The following RBM26 variants were observed in gnomAD, a reference collection of about 807,000 sequenced individuals.
RBM26 encodes the protein RNA-binding protein 26.
A neutral mutation model predicts 123.6 loss-of-function variants in RBM26; 30 were observed. The observed-to-expected ratio is 0.24, with a 90% CI of 0.18 to 0.33. The LOEUF (loss-of-function observed/expected upper bound fraction) is 0.33, where lower values mean the gene tolerates loss of function less well. Among genes scored for constraint, RBM26 ranks in the 10% least tolerant of loss-of-function variants. The pLI is 1.00. For missense variants in RBM26, 947 were observed against 1,203.6 expected, an observed-to-expected ratio of 0.79 and a Z score of 3.15; for synonymous variants, 400 against 404.4, an observed-to-expected ratio of 0.99 and a Z score of 0.13.
chr13:79,370,143 G>A (rs1489785637), intron 5 of RBM26, among the ~76,000 whole-genome samples: 1 of 151,856 alleles, frequency 6.6e-6, no homozygotes, highest in Non-Finnish European at 1.5e-5. Flanking sequence ...AACCCCCAAC[G>A]TGACTCTACC....
chr13:79,358,357 G>T lies in RBM26; in HGVS notation c.1606C>A (p.Leu536Ile), dbSNP rs1436748322. ...TTTAATTCTGGAGGAACTTTTCTAA[G>T]TTCAAGCTTGGTATTTTCATTTCCA... ...QFGNENTKLELRKVPPELNNI... is the reference protein window; with the variant it reads ...QFGNENTKLEIRKVPPELNNI... The change falls in exon 11 of 22, where the codon CTT becomes ATT. Residue 536 changes from leucine to isoleucine, a missense_variant. Transcript: ENST00000438737. 51 of 1,611,880 alleles carry T rather than the reference G, an allele frequency of 3.2e-5. No individual in the cohort carries two copies. Among genetic ancestry groups the T allele is most frequent in the Non-Finnish European group, 4.2e-5 (49 of 1,179,184 alleles).
chr13:79,322,317 G>A (rs747962568), intron 21 of RBM26, 32 bp downstream of exon 21: 1 of 1,340,012 alleles, frequency 7.5e-7, no homozygotes, highest in South Asian at 1.4e-5. Context: ...GAACGATTAA[G>A]GGTAAAAATA....
intron 17 of RBM26, among the ~76,000 whole-genome samples, chr13:79,341,711 T>C (rs992021573): frequency 3.3e-5 from 5 of 151,824 alleles, no homozygotes; most frequent in African/African-American, 1.2e-4. Context: ...GGGTCTTTTA[T>C]GTATTCCTTT....
At chr13:79,376,878 C>T (rs530229669) in intron 3 of RBM26, 97 of 152,662 alleles carry the variant, frequency 6.4e-4, no homozygotes, top group Non-Finnish European at 1.2e-3. Flanking sequence ...CCCATTACCC[C>T]CTGATAAGGA....
At chr13:79,336,896 G>A (rs2070508405) in intron 19 of RBM26, among the ~76,000 whole-genome samples, 1 of 152,130 alleles carries the variant, frequency 6.6e-6, no homozygotes, top group South Asian at 2.1e-4. Flanking sequence ...GGCCTACTAA[G>A]TGTAAGAATA....
chr13:79,380,395 T>C (rs995666017), intron 1 of RBM26, among the ~76,000 whole-genome samples: 9 of 152,052 alleles, frequency 5.9e-5, no homozygotes, highest in Admixed American at 2.6e-4. Context: ...GAGAGAAATC[T>C]GGTTTATATA....
chr13:79,400,200 T>C (rs529860480), intron 1 of RBM26, among the ~76,000 whole-genome samples: 21 of 152,320 alleles, frequency 1.4e-4, no homozygotes, highest in African/African-American at 4.8e-4. Flanking sequence ...AAGAAAACCA[T>C]TCATGGGAAA....
At chr13:79,385,079 C>T (rs2077372699) in intron 1 of RBM26, among the ~76,000 whole-genome samples, 1 of 152,092 alleles carries the variant, frequency 6.6e-6, no homozygotes, top group Non-Finnish European at 1.5e-5. Context: ...CACGGATATG[C>T]ACCCACGTCT....
At position 79,406,038 on chromosome 13, in the gene RBM26, T is replaced by G; in HGVS notation, c.-264A>C. ...CAACGGTTTGCCCGGGCCCTCCCCCTTCCCTCTTCCCCAGCAAATCTACCC... is the reference window on the plus strand; with the variant it reads ...CAACGGTTTGCCCGGGCCCTCCCCCGTCCCTCTTCCCCAGCAAATCTACCC... On this transcript the variant is annotated 5_prime_UTR_variant, in exon 1 of 22. Transcript: ENST00000438737. The G allele has an allele frequency of 7.1e-5, 16 of 225,340 alleles. No individual in the cohort carries two copies. Among genetic ancestry groups the G allele is most frequent in the Admixed American group, 7.3e-5 (1 of 13,670 alleles). The allele number at this position is 225,340 out of a possible 1,614,324, so 14.0% of individuals were successfully genotyped here. A position where few individuals can be genotyped will look rare whatever the true frequency, so the allele number is the denominator to read the frequency against.
intron 8 of RBM26, 159 bp from the exon 9 acceptor site, chr13:79,365,877 A>G (rs2075213325): frequency 1.7e-5 from 16 of 956,826 alleles, no homozygotes; most frequent in Non-Finnish European, 2.3e-5. Flanking sequence ...AAGTTATTAA[A>G]AAGAAAATGT....
At chr13:79,337,654 T>A (rs566957959) in intron 18 of RBM26, among the ~76,000 whole-genome samples, 27 of 152,312 alleles carry the variant, frequency 1.8e-4, no homozygotes, top group Non-Finnish European at 2.9e-4. Flanking sequence ...AAACAGATAA[T>A]ACCTACATTC....
At chr13:79,363,699 C>T (rs536946570) in intron 9 of RBM26, among the ~76,000 whole-genome samples, 143 of 152,240 alleles carry the variant, frequency 9.4e-4, no homozygotes, top group African/African-American at 3.1e-3. Flanking sequence ...AATTACCACA[C>T]ATCCAACTTG....
In RBM26 at chr13:79,349,058, AAT is replaced by A. The variant is rs2072781035; in HGVS notation, c.2058+4093_2058+4094del. On this transcript the variant is annotated intron_variant, in intron 14 of 21. Coordinates refer to ENST00000438737, the MANE Select transcript of RBM26 (RefSeq NM_001366735.2). ...CTTGTAAGTAATAAATGCATCATCA[AAT>A]TGAAAAACTGTTAGTCAAGTCACCG... Among the ~76,000 whole-genome samples the A allele has an allele frequency of 2.6e-5, 4 of 152,328 alleles. No homozygotes were observed. The South Asian group carries it at 6.2e-4, about 24-fold the overall frequency.
chr13:79,372,105 C>T (rs2075950992), intron 3 of RBM26, among the ~76,000 whole-genome samples, 175 bp from the exon 4 acceptor site: 1 of 151,952 alleles, frequency 6.6e-6, no homozygotes, highest in South Asian at 2.1e-4. Flanking sequence ...ATGGTGAAAC[C>T]CTGTCTCTAC....
intron 1 of RBM26, among the ~76,000 whole-genome samples, chr13:79,385,213 T>C (rs1056739781): frequency 2.6e-5 from 4 of 152,214 alleles, no homozygotes; most frequent in African/African-American, 9.6e-5. Flanking sequence ...GCAAGCATAA[T>C]ACATACATTG....
chr13:79,395,228 CAG>C (rs1460309094), intron 1 of RBM26, among the ~76,000 whole-genome samples: 5 of 152,132 alleles, frequency 3.3e-5, no homozygotes, highest in African/African-American at 9.7e-5. Flanking sequence ...GAAACATACT[CAG>C]AGACTGTCCA....
At chr13:79,385,960 C>CT (rs1282608746) in intron 1 of RBM26, among the ~76,000 whole-genome samples, 1 of 152,070 alleles carries the variant, frequency 6.6e-6, no homozygotes, top group East Asian at 1.9e-4. Context: ...CTACTCTTCT[C>CT]TCCCCCAGCA....
chr13:79,372,400 A>T (rs1286125905), intron 3 of RBM26, among the ~76,000 whole-genome samples: 1 of 152,116 alleles, frequency 6.6e-6, no homozygotes, highest in Non-Finnish European at 1.5e-5. Flanking sequence ...AGTTTATATA[A>T]CGTAGAAGCA....
At chr13:79,380,474 C>A (rs1181315183) in intron 1 of RBM26, among the ~76,000 whole-genome samples, 2 of 147,222 alleles carry the variant, frequency 1.4e-5, no homozygotes, top group African/African-American at 2.5e-5. Context: ...AAAGGAGGGA[C>A]AGGGTAAGAA....
Sources: allele counts gnomAD v4.1 joint callset (sites outside exome capture counted in the v4.1 genomes callset), GRCh38; gene constraint gnomAD v4.1.1; transcripts MANE v1.5; gene names NCBI Gene and HGNC (gene_info 2026-07-23, HGNC 2026-07-21).